KMT2A: variants seen among roughly 807,000 people sequenced by gnomAD.
KMT2A encodes histone-lysine N-methyltransferase 2A.
In KMT2A, 16 loss-of-function variants were observed where a neutral mutation model predicts 345.3. That is an observed-to-expected ratio of 0.05 (90% CI 0.03 to 0.07). The LOEUF is 0.07. KMT2A is among the 10% of genes least tolerant of loss of function. The probability of loss-of-function intolerance (pLI) is 1.00; values close to 1 mark genes in which losing one functional copy is unlikely to be tolerated. For missense variants in KMT2A, 3,272 were observed against 4,841.6 expected, an observed-to-expected ratio of 0.68 and a Z score of 9.62; for synonymous variants, 1,599 against 1,778.6, an observed-to-expected ratio of 0.90 and a Z score of 2.54.
chr11:118,488,505 T>A, intron 10 of KMT2A, 109 bp from the exon 11 acceptor site: 1 of 1,036,962 alleles, frequency 9.6e-7, no homozygotes, highest in Admixed American at 1.7e-5. Context: ...TTGAATTAAA[T>A]ATATGCCAGT....
rs2134268147 is a variant in KMT2A, at chr11:118,473,556, T to G, written c.2397T>G (p.Pro799=). The change falls in exon 3 of 36, where the codon CCT becomes CCG. Residue 799 remains proline, a synonymous_variant. Coordinates refer to ENST00000534358, the MANE Select transcript of KMT2A (RefSeq NM_001197104.2). The surrounding 1 kb of genome is among the most constrained non-coding windows in gnomAD (Gnocchi z 5.2). ...TSALNPTFTF[P]SHSLTQSGES... is the part of the protein sequence containing the mutation. ...CCTTAAACCCAACTTTTACTTTTCC[T>G]TCTCATTCCCTGACTCAGTCTGGGG... is the stretch of plus-strand genomic sequence containing the variant. The G allele has an allele frequency of 6.2e-7, 1 of 1,614,162 alleles. No homozygotes were observed. The highest frequency in any genetic ancestry group is 1.1e-5 in the South Asian group (1 of 91,086).
At position 118,484,724 on chromosome 11, in the gene KMT2A, A is replaced by G; in HGVS notation, c.4219-138A>G. On this transcript the variant is annotated intron_variant, in intron 9 of 35. Transcript: ENST00000534358. The surrounding 1 kb of genome is among the most constrained non-coding windows in gnomAD (Gnocchi z 4.1). The stretch of plus-strand genomic sequence containing the variant: ...GTCTGAGATTAAAACTTTTTAAAGC[A>G]GCAGTTATTTTTGGACTCATTGAAA... 1 of 665,568 alleles carries G rather than the reference A, an allele frequency of 1.5e-6. No homozygotes were observed. Among genetic ancestry groups the G allele is most frequent in the Non-Finnish European group, 2.7e-6 (1 of 373,140 alleles). The allele number at this position is 665,568 out of a possible 1,614,324, so 41.2% of individuals were successfully genotyped here. A position where few individuals can be genotyped will look rare whatever the true frequency, so the allele number is the denominator to read the frequency against.
At chr11:118,477,861 C>T (rs1950067233) in intron 4 of KMT2A, 106 bp from the exon 5 acceptor site, 1 of 736,956 alleles carries the variant, frequency 1.4e-6, no homozygotes, top group African/African-American at 1.8e-5. Context: ...ATTCTGAGTT[C>T]TGTATATAAA....
Position 118,520,699 on chromosome 11 carries a change from C to A in KMT2A, c.11430-103C>A, listed in dbSNP as rs1555053254. 2 of 811,640 alleles carry A rather than the reference C, an allele frequency of 2.5e-6. No individual in the cohort carries two copies. Among genetic ancestry groups the A allele is most frequent in the Non-Finnish European group, 2.1e-6 (1 of 481,862 alleles). The allele number at this position is 811,640 out of a possible 1,614,324, so 50.3% of individuals were successfully genotyped here. ...TTTATAAGGCACTCGTTCAGTTTGG[C>A]ATTAAACAAAGAGTGTACTAATTGT... On this transcript the variant is annotated intron_variant, in intron 33 of 35. Coordinates refer to ENST00000534358, the MANE Select transcript of KMT2A (RefSeq NM_001197104.2). The surrounding 1 kb of genome is among the most constrained non-coding windows in gnomAD (Gnocchi z 4.3).
At position 118,473,582 on chromosome 11, in the gene KMT2A, A is replaced by G. The variant is rs1949981831; in HGVS notation, c.2423A>G (p.Glu808Gly). Residue 808 changes from glutamate (E) to glycine (G), a missense_variant, in exon 3 of 36, where the codon GAA (glutamate) becomes GGA (glycine). Physicochemically the swap from Glu to Gly is moderately conservative, Grantham distance 98. Coordinates refer to ENST00000534358, the MANE Select transcript of KMT2A (RefSeq NM_001197104.2). This position sits in a 1 kb window ranked among gnomAD's most constrained non-coding sequence, Gnocchi z 5.2. ...TCTCATTCCCTGACTCAGTCTGGGG[A>G]ATCTGCAGAGAAAAATCAGAGACCA... Reference protein sequence around the residue: ...FPSHSLTQSGESAEKNQRPRK... With the variant: ...FPSHSLTQSGGSAEKNQRPRK... 2 of 1,614,052 alleles carry G rather than the reference A, an allele frequency of 1.2e-6. No homozygotes were observed. The highest frequency in any genetic ancestry group is 1.7e-6 in the Non-Finnish European group (2 of 1,180,028).
At position 118,507,577 on chromosome 11, in the gene KMT2A, G is replaced by C. The variant is rs528682281; in HGVS notation, c.10803G>C (p.Gln3601His). ...AEQQDTASVE[Q>H]SSQKECGQPA... ...AGCAGGATACAGCTAGCGTGGAGCA[G>C]TCCTCCCAGAAGGAGTGTGGGCAAC... The change falls in exon 28 of 36, where the codon CAG (glutamine) becomes CAC (histidine). Residue 3601 changes from glutamine to histidine, a missense_variant. Gln to His is a conservative substitution (Grantham distance 24). Transcript: ENST00000534358. 42 of 1,614,150 alleles carry C rather than the reference G, an allele frequency of 2.6e-5. No homozygotes were observed. In the Admixed American group the frequency reaches 3.3e-4, roughly 13 times the overall value.
At chr11:118,514,510 G>A (rs1476399513) in intron 31 of KMT2A, among the ~76,000 whole-genome samples, 2 of 151,188 alleles carry the variant, frequency 1.3e-5, no homozygotes, top group Non-Finnish European at 2.9e-5. Context: ...GCGTGATCTC[G>A]GCTCACTGCA....
chr11:118,471,724 A>G lies in KMT2A; in HGVS notation c.565A>G (p.Ile189Val), dbSNP rs782596360. The G allele has an allele frequency of 2.5e-6, 4 of 1,606,492 alleles. No individual in the cohort carries two copies. In the Admixed American group the frequency reaches 5.3e-5, roughly 21 times the overall value. ...AAGTGGCTCTGACCGAAATTCAGCT[A>G]TCCTCTCAGATCCATCTGTGTTTTC... ...PRSGSDRNSA[I>V]LSDPSVFSPL... Residue 189 changes from isoleucine (I) to valine (V), a missense_variant, in exon 3 of 36, where the codon ATC (isoleucine) becomes GTC (valine). Around this residue, in one of 27 missense-constraint regions of KMT2A, gnomAD observed 412 missense variants for 511.0 expected, o/e 0.81. Transcript: ENST00000534358.
At chr11:118,499,689 G>GGA in intron 23 of KMT2A, 146 bp from the exon 24 acceptor site, 2 of 661,778 alleles carry the variant, frequency 3.0e-6, no homozygotes, top group Non-Finnish European at 5.3e-6. Context: ...CTGAGGCACA[G>GGA]GAATCACTTG....
At chr11:118,447,068 C>G (rs1555027359) in intron 1 of KMT2A, among the ~76,000 whole-genome samples, 1 of 152,172 alleles carries the variant, frequency 6.6e-6, no homozygotes, top group Non-Finnish European at 1.5e-5. Context: ...TCCCATGGTT[C>G]AACTCAGATC....
chr11:118,470,722 G>A (rs1949929272), intron 2 of KMT2A, among the ~76,000 whole-genome samples: 1 of 152,150 alleles, frequency 6.6e-6, no homozygotes. Context: ...CCTATTAAGG[G>A]AAGTTTTAGT....
chr11:118,511,831 T>C (rs767997756), intron 30 of KMT2A, 120 bp from the exon 31 acceptor site: 178 of 798,060 alleles, frequency 2.2e-4, no homozygotes, highest in Admixed American at 5.1e-4. Context: ...AAAACACTGC[T>C]CTAGGAGGGC....
intron 1 of KMT2A, among the ~76,000 whole-genome samples, chr11:118,451,721 GGCTCAA>G (rs1949543029): frequency 6.7e-6 from 1 of 150,220 alleles, no homozygotes; most frequent in African/African-American, 2.5e-5. Flanking sequence ...CGAACTCCCA[GGCTCAA>G]GCAGTCGTCC....
intron 30 of KMT2A, 188 bp from the exon 31 acceptor site, chr11:118,511,763 G>A (rs1950692509): frequency 1.9e-5 from 12 of 629,702 alleles, no homozygotes; most frequent in Non-Finnish European, 5.6e-6. Flanking sequence ...GCTGGGGAGT[G>A]TACCTTTTCG....
chr11:118,445,402 A>G (rs1555026908), intron 1 of KMT2A, among the ~76,000 whole-genome samples: 1 of 152,192 alleles, frequency 6.6e-6, no homozygotes, highest in East Asian at 1.9e-4. Context: ...TGTCTCTATA[A>G]CTAGTGTTCC....
In KMT2A at chr11:118,498,085, T is replaced by C. The variant is rs138022952; in HGVS notation, c.5802+12T>C. ...GGGGCAAGCAGCTGGTAAGACCTTA[T>C]GGGTAAATTTTATGAAAGAGATTCC... On this transcript the variant is annotated intron_variant, in intron 21 of 35. Transcript: ENST00000534358. This position sits in a 1 kb window ranked among gnomAD's most constrained non-coding sequence, Gnocchi z 4.4. 4.1e-4 allele frequency: 660 copies of C among 1,609,924 alleles called. 4 individuals carry two copies. The East Asian group carries it at 0.013, about 33-fold the overall frequency.
chr11:118,495,881 C>A lies in KMT2A; in HGVS notation c.5545C>A (p.Pro1849Thr), dbSNP rs369974258. The change falls in exon 19 of 36, where the codon CCA becomes ACA. Residue 1849 changes from proline (P) to threonine (T), a missense_variant. Pro to Thr is a conservative substitution (Grantham distance 38). This residue lies in a region of KMT2A where 235 missense variants were observed against 503.4 expected (regional missense o/e 0.47). Coordinates refer to ENST00000534358, the MANE Select transcript of KMT2A (RefSeq NM_001197104.2). The surrounding 1 kb of genome is among the most constrained non-coding windows in gnomAD (Gnocchi z 4.1). ...DSPTPLHPPT[P>T]PILSTDRSRE... is the part of the protein sequence containing the mutation. ...ACCAACTCCTCTGCATCCTCCTACA[C>A]CACCAATTTTGAGTAAGCCACCAAA... The A allele has an allele frequency of 8.7e-6, 14 of 1,605,370 alleles. No homozygotes were observed. In the East Asian group the frequency reaches 1.6e-4, roughly 18 times the overall value.
rs1555050212 is a variant in KMT2A, at chr11:118,511,990, G to A, written c.11111G>A (p.Arg3704Gln). Residue 3704 changes from arginine to glutamine, a missense_variant, in exon 31 of 36, where the codon CGA (arginine) becomes CAA (glutamine). This residue lies in a region of KMT2A where 72 missense variants were observed against 135.6 expected (regional missense o/e 0.53). Transcript: ENST00000534358. ...KSLTDKVQEARSNARLKQLSF... is the reference protein window; with the variant it reads ...KSLTDKVQEAQSNARLKQLSF... ...TTGACAGATAAAGTCCAGGAAGCTC[G>A]ATCAAATGCCCGCCTAAAGCAGCTC... 1.2e-6 allele frequency: 2 copies of A among 1,613,926 alleles called. No homozygotes were observed. Among genetic ancestry groups the A allele is most frequent in the East Asian group, 2.2e-5 (1 of 44,888 alleles).
chr11:118,456,587 C>A (rs1353777501), intron 1 of KMT2A, among the ~76,000 whole-genome samples: 1 of 151,858 alleles, frequency 6.6e-6, no homozygotes, highest in African/African-American at 2.4e-5. Flanking sequence ...ATTCGCCCAC[C>A]TTGGCCTCCC....
Sources: gnomAD v4.1 joint callset for allele counts (sites outside exome capture counted in the v4.1 genomes callset) on GRCh38, gnomAD v4.1.1 for gene constraint, gnomAD v4.1.1 regional missense constraint, Gnocchi (gnomAD v3.1) non-coding constraint, MANE v1.5 for transcripts, NCBI Gene and HGNC (gene_info 2026-07-23, HGNC 2026-07-21) for gene names.